The following LRRC72 variants were observed in gnomAD, a reference collection of about 807,000 sequenced individuals.
LRRC72 encodes leucine-rich repeat-containing protein 72.
In LRRC72, 41 loss-of-function variants were observed where a neutral mutation model predicts 35.8. That is an observed-to-expected ratio of 1.15 (90% CI 0.89 to 1.49). The LOEUF (loss-of-function observed/expected upper bound fraction) is 1.49. Ranked by LOEUF, LRRC72 falls within the 40% of genes most tolerant of loss-of-function variation. LRRC72 has a pLI of 0.00. For missense variants in LRRC72, 389 were observed against 330.7 expected, an observed-to-expected ratio of 1.18 and a Z score of -1.37; for synonymous variants, 118 against 119.2, an observed-to-expected ratio of 0.99 and a Z score of 0.07.
intron 7 of LRRC72, among the ~76,000 whole-genome samples, chr7:16,573,657 G>A (rs1013112106): frequency 6.6e-6 from 1 of 152,142 alleles, no homozygotes; most frequent in Non-Finnish European, 1.5e-5. Flanking sequence ...ATTAACTCAA[G>A]ATGGATTAGA....
chr7:16,544,430 T>A (rs1236416067), intron 3 of LRRC72, among the ~76,000 whole-genome samples: 1 of 152,194 alleles, frequency 6.6e-6, no homozygotes, highest in African/African-American at 2.4e-5. Context: ...TCTCCTCCTT[T>A]TTGAGATCAT....
intron 7 of LRRC72, among the ~76,000 whole-genome samples, chr7:16,567,845 C>T (rs192881551): frequency 6.6e-6 from 1 of 152,032 alleles, no homozygotes; most frequent in African/African-American, 2.4e-5. Context: ...AATAAATAAG[C>T]CATTGTTATT....
chr7:16,546,695 G>A (rs1005628237), intron 3 of LRRC72, among the ~76,000 whole-genome samples: 1 of 152,054 alleles, frequency 6.6e-6, no homozygotes, highest in African/African-American at 2.4e-5. Context: ...TCTCTTGCTG[G>A]CTTATTCTGG....
At chr7:16,578,544 AT>A (rs1783084798) in intron 7 of LRRC72, among the ~76,000 whole-genome samples, 1 of 152,224 alleles carries the variant, frequency 6.6e-6, no homozygotes, top group Admixed American at 6.5e-5. Flanking sequence ...AAAAAATAGT[AT>A]ACTATGAGTA....
chr7:16,527,684 C>G (rs1782094834), intron 1 of LRRC72, among the ~76,000 whole-genome samples: 1 of 152,108 alleles, frequency 6.6e-6, no homozygotes. Flanking sequence ...AGTTCTCTGA[C>G]TCATCTGCAA....
intron 5 of LRRC72, among the ~76,000 whole-genome samples, chr7:16,562,644 C>T (rs930490297): frequency 8.5e-5 from 13 of 152,266 alleles, no homozygotes; most frequent in African/African-American, 3.1e-4. Flanking sequence ...AGCAGTGGCC[C>T]CAATCCACTG....
intron 3 of LRRC72, among the ~76,000 whole-genome samples, chr7:16,543,180 A>C (rs1782387082): frequency 6.6e-6 from 1 of 152,220 alleles, no homozygotes; most frequent in Non-Finnish European, 1.5e-5. Context: ...GTTTTCTTTA[A>C]AATCTAGATT....
chr7:16,576,090 T>G (rs1010638189), intron 7 of LRRC72, among the ~76,000 whole-genome samples: 1 of 152,218 alleles, frequency 6.6e-6, no homozygotes, highest in Admixed American at 6.5e-5. Context: ...GACTAAAGCC[T>G]CTAATAATCG....
Position 16,575,416 on chromosome 7 carries a change from C to G in LRRC72, c.671-4658C>G, listed in dbSNP as rs550343570. Among the ~76,000 whole-genome samples, 32 of 152,214 alleles carry G rather than the reference C, an allele frequency of 2.1e-4. 1 individual carries two copies. The highest frequency in any genetic ancestry group is 7.2e-4 in the Admixed American group (11 of 15,282). Reference sequence around the variant, plus strand: ...CCTGAGAAGCTGTGTTTTATAAAGCCCTTCAGATGATTCTGATGTACACTC... The same window carrying G: ...CCTGAGAAGCTGTGTTTTATAAAGCGCTTCAGATGATTCTGATGTACACTC... On this transcript the variant is annotated intron_variant, in intron 7 of 8. Transcript: ENST00000401542.
At chr7:16,539,623 G>A (rs1782321002) in intron 3 of LRRC72, among the ~76,000 whole-genome samples, 1 of 152,182 alleles carries the variant, frequency 6.6e-6, no homozygotes, top group African/African-American at 2.4e-5. Flanking sequence ...TGTCTCCAGG[G>A]CATGTAAGAG....
At position 16,559,576 on chromosome 7, in the gene LRRC72, T is replaced by A. The variant is rs189575641; in HGVS notation, c.427+577T>A. Among the ~76,000 whole-genome samples, 5 of 152,278 alleles carry A rather than the reference T, an allele frequency of 3.3e-5. No homozygotes were observed. In the East Asian group the frequency reaches 9.7e-4, roughly 29 times the overall value. ...ATGTTTAAATTTGTTTTTGGTTTTA[T>A]CTCAAAAGTAAGTTTTAACACATAT... is the stretch of plus-strand genomic sequence containing the variant. On this transcript the variant is annotated intron_variant, in intron 5 of 8. Coordinates refer to ENST00000401542, the MANE Select transcript of LRRC72 (RefSeq NM_001195280.2).
chr7:16,579,521 G>C (rs1783104707), intron 7 of LRRC72, among the ~76,000 whole-genome samples: 1 of 152,024 alleles, frequency 6.6e-6, no homozygotes, highest in South Asian at 2.1e-4. Context: ...GTCTCTGGAA[G>C]ACACCGTAAG....
chr7:16,552,174 A>G (rs544559526), intron 3 of LRRC72, among the ~76,000 whole-genome samples: 2 of 152,352 alleles, frequency 1.3e-5, no homozygotes, highest in African/African-American at 4.8e-5. Context: ...TCATAAGCTA[A>G]TAATAATGAG....
rs905054595 is a variant in LRRC72, at chr7:16,527,015, C to T, written c.63C>T (p.Ser21=). 2.2e-5 allele frequency: 34 copies of T among 1,539,290 alleles called. No homozygotes were observed. The highest frequency in any genetic ancestry group is 2.9e-5 in the Non-Finnish European group (33 of 1,146,926). Residue 21 remains serine (S), a synonymous_variant, in exon 1 of 9, where the codon TCC becomes TCT. Coordinates refer to ENST00000401542, the MANE Select transcript of LRRC72 (RefSeq NM_001195280.2). The part of the protein sequence containing the change: ...TLRCWRLRRA[S]ETALQSSRRA... ...GATGCTGGCGCCTACGGAGGGCATC[C>T]GAAACTGCCCTACAGAGCAGTCGCC...
intron 3 of LRRC72, among the ~76,000 whole-genome samples, chr7:16,542,484 C>T (rs570803904): frequency 3.5e-4 from 54 of 152,284 alleles, no homozygotes; most frequent in African/African-American, 1.0e-3. Context: ...GTCCTGACAA[C>T]ATGGGCCCAA....
At chr7:16,546,493 C>T (rs983759332) in intron 3 of LRRC72, among the ~76,000 whole-genome samples, 4 of 151,926 alleles carry the variant, frequency 2.6e-5, no homozygotes, top group African/African-American at 9.7e-5. Flanking sequence ...GGGCAAAATT[C>T]CCCCCACCTC....
chr7:16,539,080 C>G, intron 3 of LRRC72, among the ~76,000 whole-genome samples: 1 of 152,136 alleles, frequency 6.6e-6, no homozygotes, highest in East Asian at 1.9e-4. Flanking sequence ...GTTGGTGGAA[C>G]AGTTTGGAGG....
rs563961571 is a variant in LRRC72, at chr7:16,576,144, G to A, written c.671-3930G>A. On this transcript the variant is annotated intron_variant, in intron 7 of 8. Transcript: ENST00000401542. ...ATCTACTCATTTTCCACAAAAGGCC[G>A]CTATATCATAGCAACTAAAAAGTAT... 1.4e-4 allele frequency among the ~76,000 whole-genome samples: 22 copies of A among 152,202 alleles called. No individual in the cohort carries two copies. The South Asian group carries it at 4.1e-3, about 29-fold the overall frequency.
intron 3 of LRRC72, 46 bp downstream of exon 3, chr7:16,537,742 C>A: frequency 2.7e-6 from 3 of 1,104,020 alleles, no homozygotes; most frequent in Non-Finnish European, 3.9e-6. Context: ...AAACTACTAT[C>A]TTAATTTTGT....
Sources: gnomAD v4.1 joint callset for allele counts (sites outside exome capture counted in the v4.1 genomes callset) on GRCh38, gnomAD v4.1.1 for gene constraint, MANE v1.5 for transcripts, NCBI Gene and HGNC (gene_info 2026-07-23, HGNC 2026-07-21) for gene names.